The following ZNF114 variants were observed in gnomAD, a reference collection of about 807,000 sequenced individuals.
ZNF114 encodes zinc finger protein 114 (Y18).
A neutral mutation model predicts 6.8 loss-of-function variants in ZNF114; 8 were observed. That is an observed-to-expected ratio of 1.18 (90% CI 0.69 to 2.13). The LOEUF is 2.13. Ranked by LOEUF, ZNF114 falls within the 30% of genes most tolerant of loss-of-function variation. The probability of loss-of-function intolerance (pLI) is 0.00; values close to 1 mark genes in which losing one functional copy is unlikely to be tolerated. For missense variants in ZNF114, 472 were observed against 519.5 expected (o/e 0.91, Z 0.89); for synonymous variants, 169 against 185.5 (o/e 0.91, Z 0.72).
chr19:48,286,511 G>A lies in ZNF114; in HGVS notation c.887G>A (p.Ser296Asn), dbSNP rs369215581. 7 of 1,614,054 alleles carry A rather than the reference G, an allele frequency of 4.3e-6. No homozygotes were observed. Among genetic ancestry groups the A allele is most frequent in the African/African-American group, 4.0e-5 (3 of 74,934 alleles). ...ANAPNSGSHKSHCTGEKTHKC... is the reference protein window; with the variant it reads ...ANAPNSGSHKNHCTGEKTHKC... Reference sequence around the variant, plus strand: ...GCTCCAAATTCCGGTTCACACAAGAGTCATTGCACTGGAGAGAAAACCCAT... The same window carrying A: ...GCTCCAAATTCCGGTTCACACAAGAATCATTGCACTGGAGAGAAAACCCAT... Residue 296 changes from serine (S) to asparagine (N), a missense_variant, in exon 6 of 6, where the codon AGT becomes AAT. Coordinates refer to ENST00000595607, the MANE Select transcript of ZNF114 (RefSeq NM_153608.4).
Position 48,282,427 on chromosome 19 carries a change from G to A in ZNF114, c.66G>A (p.Leu22=), listed in dbSNP as rs369409275. 37 of 1,613,412 alleles carry A rather than the reference G, an allele frequency of 2.3e-5. No homozygotes were observed. In the African/African-American group the frequency reaches 4.4e-4, roughly 19 times the overall value. Residue 22 remains leucine, a synonymous_variant, in exon 5 of 6, where the codon CTG becomes CTA. Coordinates refer to ENST00000595607, the MANE Select transcript of ZNF114 (RefSeq NM_153608.4). ...ACTTCACCAAAGAGGAGTGGACCCT[G>A]CTGGACCCAGCTCAGAGGAATCTCT... ...AVNFTKEEWT[L]LDPAQRNLYR...
chr19:48,274,212 G>T (rs892629221), intron 3 of ZNF114, among the ~76,000 whole-genome samples: 1 of 151,004 alleles, frequency 6.6e-6, no homozygotes, highest in East Asian at 1.9e-4. Context: ...AATTATTAAT[G>T]GTTTAGAAAA....
At chr19:48,282,217 T>A (rs556487406) in intron 4 of ZNF114, 154 bp from the exon 5 acceptor site, 5 of 1,051,086 alleles carry the variant, frequency 4.8e-6, no homozygotes, top group South Asian at 1.5e-5. Flanking sequence ...TCTTAATTCA[T>A]TGACATCTGC....
At chr19:48,270,928 G>C (rs548057578) in intron 1 of ZNF114, 1 of 152,106 alleles carries the variant, frequency 6.6e-6, no homozygotes, top group Admixed American at 6.6e-5. Flanking sequence ...GTGGTGGCGG[G>C]CGCCTGTAGT....
intron 5 of ZNF114, among the ~76,000 whole-genome samples, chr19:48,285,545 AAGGAAGGAAGGAAGG>A (rs1053864764): frequency 1.4e-4 from 21 of 149,916 alleles, no homozygotes; most frequent in Non-Finnish European, 1.9e-4. Context: ...GAGAGGAAAG[AAGGAAGGAAGGAAGG>A]AGGAAGGAAG....
At chr19:48,279,948 C>A in intron 4 of ZNF114, 140 bp downstream of exon 4, 2 of 1,239,214 alleles carry the variant, frequency 1.6e-6, no homozygotes, top group Non-Finnish European at 2.3e-6. Context: ...TAGGTCTCTG[C>A]ACCTCTGCTT....
Position 48,271,762 on chromosome 19 carries a change from CTGGGCTGCGCGCGCTTT to C in ZNF114, c.-125_-109del, listed in dbSNP as rs1330471577. On this transcript the variant is annotated 5_prime_UTR_variant, in exon 3 of 6. Coordinates refer to ENST00000595607, the MANE Select transcript of ZNF114 (RefSeq NM_153608.4). ...ATCCTGGTGCAGCTCCGAGACGCTC[CTGGGCTGCGCGCGCTTT>C]TGGGCTGCGCCACCGACAGAGACAT... 6.6e-6 allele frequency: 1 copy of C among 152,398 alleles called. No homozygotes were observed. The highest frequency in any genetic ancestry group is 1.5e-5 in the Non-Finnish European group (1 of 68,186). The allele number at this position is 152,398 out of a possible 1,614,324, so 9.4% of individuals were successfully genotyped here.
At position 48,285,898 on chromosome 19, in the gene ZNF114, T is replaced by C. The variant is rs1442233434; in HGVS notation, c.274T>C (p.Cys92Arg). The C allele has an allele frequency of 6.2e-7, 1 of 1,614,130 alleles. No homozygotes were observed. The highest frequency in any genetic ancestry group is 2.2e-5 in the East Asian group (1 of 44,876). The change falls in exon 6 of 6, where the codon TGC becomes CGC. Residue 92 changes from cysteine to arginine, a missense_variant. Coordinates refer to ENST00000595607, the MANE Select transcript of ZNF114 (RefSeq NM_153608.4). ...QHSTLREDWR[C>R]PKTEEPHRQG... Reference sequence around the variant, plus strand: ...CTCCACATTAAGAGAAGACTGGAGATGCCCCAAAACAGAGGAACCACACAG... The same window carrying C: ...CTCCACATTAAGAGAAGACTGGAGACGCCCCAAAACAGAGGAACCACACAG...
chr19:48,286,588 C>T lies in ZNF114; in HGVS notation c.964C>T (p.His322Tyr). 1 of 1,614,014 alleles carries T rather than the reference C, an allele frequency of 6.2e-7. No individual in the cohort carries two copies. Among genetic ancestry groups the T allele is most frequent in the Non-Finnish European group, 8.5e-7 (1 of 1,180,018 alleles). Residue 322 changes from histidine to tyrosine, a missense_variant, in exon 6 of 6, where the codon CAT (histidine) becomes TAT (tyrosine). By Grantham distance (83) the His-to-Tyr change is moderately conservative. Transcript: ENST00000595607. The stretch of plus-strand genomic sequence containing the variant: ...TTTTTATCAGTCATTCCTTATGAGA[C>T]ATATGAAAATTCACACTGGAGAGAA... ...AFFYQSFLMR[H>Y]MKIHTGEKPY...
chr19:48,274,612 T>C (rs1967777369), intron 3 of ZNF114, among the ~76,000 whole-genome samples: 1 of 151,686 alleles, frequency 6.6e-6, no homozygotes, highest in South Asian at 2.1e-4. Flanking sequence ...GTTCAAGTAA[T>C]TCTCCTGCCT....
Position 48,286,342 on chromosome 19 carries a change from A to G in ZNF114, c.718A>G (p.Asn240Asp), listed in dbSNP as rs2147298137. 1 of 1,614,228 alleles carries G rather than the reference A, an allele frequency of 6.2e-7. No homozygotes were observed. The highest frequency in any genetic ancestry group is 2.2e-5 in the East Asian group (1 of 44,888). ...TGAAGACGGATCCCTTAGGGCACAC[A>G]ACACTCATGGTCGAGAGAAAATGTA... The part of the protein sequence containing the change: ...FREDGSLRAH[N>D]THGREKMYDF... Residue 240 changes from asparagine (N) to aspartate (D), a missense_variant, in exon 6 of 6, where the codon AAC (asparagine) becomes GAC (aspartate). Asn to Asp is a conservative substitution (Grantham distance 23). Coordinates refer to ENST00000595607, the MANE Select transcript of ZNF114 (RefSeq NM_153608.4).
chr19:48,286,031 G>T lies in ZNF114; in HGVS notation c.407G>T (p.Cys136Phe). The stretch of plus-strand genomic sequence containing the variant: ...ATGAGGAACCACTCTAAACCTACCT[G>T]CAGGCTTGTGCCTTCACAGGGAGAT... Reference protein sequence around the residue: ...HEMRNHSKPTCRLVPSQGDSI... With the variant: ...HEMRNHSKPTFRLVPSQGDSI... The change falls in exon 6 of 6, where the codon TGC becomes TTC. Residue 136 changes from cysteine to phenylalanine, a missense_variant. By Grantham distance (205) the Cys-to-Phe change is radical. Coordinates refer to ENST00000595607, the MANE Select transcript of ZNF114 (RefSeq NM_153608.4). 1 of 1,613,968 alleles carries T rather than the reference G, an allele frequency of 6.2e-7. No individual in the cohort carries two copies. Among genetic ancestry groups the T allele is most frequent in the Non-Finnish European group, 8.5e-7 (1 of 1,180,038 alleles).
chr19:48,277,600 G>A lies in ZNF114; in HGVS notation c.-69-2131G>A, dbSNP rs138683122. Among the ~76,000 whole-genome samples the A allele has an allele frequency of 2.7e-3, 404 of 152,198 alleles. 3 individuals are homozygous for A. Among genetic ancestry groups the A allele is most frequent in the African/African-American group, 9.0e-3 (375 of 41,514 alleles). ...TTCACTTTGTAGTTCAAATCCGGCC[G>A]CTGGGAGACGTTTCCAGCCGCTGTG... On this transcript the variant is annotated intron_variant, in intron 3 of 5. Coordinates refer to ENST00000595607, the MANE Select transcript of ZNF114 (RefSeq NM_153608.4).
At chr19:48,274,485 T>A (rs1416310685) in intron 3 of ZNF114, among the ~76,000 whole-genome samples, 2 of 137,002 alleles carry the variant, frequency 1.5e-5, no homozygotes, top group African/African-American at 5.5e-5. Flanking sequence ...AAAACTTTTA[T>A]ATATATATAT....
At chr19:48,272,673 CAAAA>C (rs57823987) in intron 3 of ZNF114, among the ~76,000 whole-genome samples, 715 of 39,164 alleles carry the variant, frequency 0.018, 10 homozygotes, top group African/African-American at 0.078. Flanking sequence ...GACTCTCTCT[CAAAA>C]AAAAAAAAAA....
intron 4 of ZNF114, 65 bp from the exon 5 acceptor site, chr19:48,282,306 A>G: frequency 6.3e-7 from 1 of 1,595,232 alleles, no homozygotes; most frequent in Middle Eastern, 1.7e-4. Context: ...TCTGTGGAGA[A>G]AGGGGTCACA....
At chr19:48,277,513 C>T (rs562978419) in intron 3 of ZNF114, among the ~76,000 whole-genome samples, 1 of 151,998 alleles carries the variant, frequency 6.6e-6, no homozygotes, top group Non-Finnish European at 1.5e-5. Flanking sequence ...TTTTCTCTGT[C>T]TGGGTATCAT....
chr19:48,278,056 C>T (rs1429615245), intron 3 of ZNF114, among the ~76,000 whole-genome samples: 1 of 152,020 alleles, frequency 6.6e-6, no homozygotes, highest in Non-Finnish European at 1.5e-5. Flanking sequence ...TGCCTTCAGC[C>T]TCCCAAGTAG....
chr19:48,270,393 GA>G (rs57820634), intron 1 of ZNF114, among the ~76,000 whole-genome samples, 174 bp downstream of exon 1: 24,245 of 99,028 alleles, frequency 0.24, 2,513 homozygotes, highest in Non-Finnish European at 0.28. Context: ...ACTTGTCTCA[GA>G]AAAAAAAAAA....
Sources: allele counts gnomAD v4.1 joint callset (sites outside exome capture counted in the v4.1 genomes callset), GRCh38; gene constraint gnomAD v4.1.1; transcripts MANE v1.5; gene names NCBI Gene and HGNC (gene_info 2026-07-23, HGNC 2026-07-21).